The following CIZ1 variants were observed in gnomAD, a reference collection of about 807,000 sequenced individuals.
The protein encoded by CIZ1 is CDKN1A interacting zinc finger protein 1, also known as cip1-interacting zinc finger protein.
CIZ1 carries 58 observed loss-of-function variants against 118.6 expected under a neutral mutation model. The observed-to-expected ratio is 0.49, with a 90% CI of 0.40 to 0.61. CIZ1 has a LOEUF of 0.61. Among genes scored for constraint, CIZ1 ranks in the 20% least tolerant of loss-of-function variants. The pLI, the probability that CIZ1 is intolerant of heterozygous loss-of-function variation, is 0.00. For synonymous variants in CIZ1, 448 were observed against 443.4 expected (o/e 1.01, Z -0.13); for missense variants, 921 against 1,115.9 (o/e 0.83, Z 2.49).
chr9:128,175,338 C>T (rs955427363), intron 11 of CIZ1, among the ~76,000 whole-genome samples: 3 of 152,156 alleles, frequency 2.0e-5, no homozygotes, highest in Non-Finnish European at 2.9e-5. Context: ...TAGCAAAGAA[C>T]GTCTTGGTGA....
chr9:128,181,176 C>A (rs1236382416), intron 5 of CIZ1, among the ~76,000 whole-genome samples: 1 of 151,978 alleles, frequency 6.6e-6, no homozygotes, highest in African/African-American at 2.4e-5. Flanking sequence ...AGTGCAATAG[C>A]ACAATCCCGG....
Position 128,169,622 on chromosome 9 carries a change from C to A in CIZ1, c.2032-103G>T, listed in dbSNP as rs769169316. On this transcript the variant is annotated intron_variant, in intron 12 of 16. Transcript: ENST00000372938. ...AGCTCACCTCCCCCGGGCAGGCCCA[C>A]CATATCTGTAACAAGCCGGGCTGTG... The A allele has an allele frequency of 2.6e-6, 4 of 1,559,558 alleles. No individual in the cohort carries two copies. The highest frequency in any genetic ancestry group is 3.5e-6 in the Non-Finnish European group (4 of 1,154,624).
chr9:128,178,384 C>G lies in CIZ1; in HGVS notation c.1605G>C (p.Ala535=), dbSNP rs550697095. 1 of 1,613,812 alleles carries G rather than the reference C, an allele frequency of 6.2e-7. No homozygotes were observed. Among genetic ancestry groups the G allele is most frequent in the Admixed American group, 1.7e-5 (1 of 59,896 alleles). Residue 535 remains alanine, a synonymous_variant, in exon 9 of 17, where the codon GCG becomes GCC. Transcript: ENST00000372938. ...CTCTACCCACCCCTGGCATCTCTCT[C>G]GCTCTGTTTTCACATTCTCCCACAT... ...GLDVGECENR[A]REMPGVWGAG...
intron 11 of CIZ1, 105 bp downstream of exon 11, chr9:128,176,246 G>T: frequency 7.1e-7 from 1 of 1,411,750 alleles, no homozygotes; most frequent in Non-Finnish European, 9.7e-7. Context: ...CTGGCTGGGG[G>T]TGCAGTGCTT....
chr9:128,203,573 G>T lies in CIZ1; in HGVS notation c.-6+613C>A, dbSNP rs1404767209. On this transcript the variant is annotated intron_variant, in intron 1 of 17. Transcript: ENST00000372948. The surrounding 1 kb of genome is among the most constrained non-coding windows in gnomAD (Gnocchi z 5.3). ...CGCGGACCTCGACCTGCCGCAGATC[G>T]CTGTGGTGGGCGGCCAGAGCGCCGG... 1.9e-6 allele frequency: 3 copies of T among 1,550,318 alleles called. No individual in the cohort carries two copies. Among genetic ancestry groups the T allele is most frequent in the Admixed American group, 3.8e-5 (2 of 52,382 alleles).
chr9:128,190,986 A>T, intron 1 of CIZ1, 124 bp from the exon 2 acceptor site: 1 of 1,339,756 alleles, frequency 7.5e-7, no homozygotes, highest in Non-Finnish European at 9.9e-7. Flanking sequence ...TCACAGCTGC[A>T]TTCCCAGTCC....
intron 5 of CIZ1, among the ~76,000 whole-genome samples, chr9:128,182,000 G>A (rs1390220365): frequency 6.6e-6 from 1 of 152,214 alleles, no homozygotes; most frequent in Non-Finnish European, 1.5e-5. Flanking sequence ...AATACTAATA[G>A]TCCCTGATAT....
At chr9:128,174,078 C>T (rs920944658) in intron 11 of CIZ1, among the ~76,000 whole-genome samples, 7 of 152,090 alleles carry the variant, frequency 4.6e-5, no homozygotes, top group African/African-American at 1.7e-4. Flanking sequence ...GTTCACAGCA[C>T]CTGCCCTGGG....
intron 1 of CIZ1, among the ~76,000 whole-genome samples, chr9:128,200,354 G>C (rs7036650): frequency 6.6e-6 from 1 of 151,714 alleles, no homozygotes; most frequent in Non-Finnish European, 1.5e-5. Context: ...AATTAGGGGG[G>C]AAAAAGTAAA....
chr9:128,168,162 G>A (rs1829669795), intron 14 of CIZ1, among the ~76,000 whole-genome samples: 1 of 152,208 alleles, frequency 6.6e-6, no homozygotes. Flanking sequence ...GGCCCTCATG[G>A]GTCCCTGCTT....
chr9:128,169,371 T>C, intron 13 of CIZ1, 35 bp downstream of exon 13: 3 of 1,570,118 alleles, frequency 1.9e-6, no homozygotes, highest in Non-Finnish European at 2.6e-6. Context: ...TCTGTACCTC[T>C]CTGGGCCCAT....
At position 128,187,249 on chromosome 9, in the gene CIZ1, G is replaced by T. The variant is rs75246500; in HGVS notation, c.358+614C>A. The stretch of plus-strand genomic sequence containing the variant: ...AGCCACCACATCCAGCTCCTTATCT[G>T]CTTTCTGCTTCACATCATCTAACTC... On this transcript the variant is annotated intron_variant, in intron 4 of 16. Coordinates refer to ENST00000372938, the MANE Select transcript of CIZ1 (RefSeq NM_001131016.2). Among the ~76,000 whole-genome samples the T allele has an allele frequency of 4.3e-3, 661 of 152,280 alleles. 5 individuals are homozygous for T. The highest frequency in any genetic ancestry group is 0.017 in the Middle Eastern group (5 of 294).
intron 1 of CIZ1, chr9:128,197,775 A>G (rs1833411441): frequency 6.6e-6 from 1 of 152,230 alleles, no homozygotes; most frequent in Non-Finnish European, 1.5e-5. Flanking sequence ...TGATGGTTAT[A>G]ATGACACTAT....
chr9:128,195,352 C>G (rs1303625507), upstream of CIZ1, among the ~76,000 whole-genome samples: 1 of 152,170 alleles, frequency 6.6e-6, no homozygotes, highest in African/African-American at 2.4e-5. Context: ...GAATTTTGTT[C>G]TGTCATCCAC....
chr9:128,190,689 G>T lies in CIZ1; in HGVS notation c.169C>A (p.Arg57=). The T allele has an allele frequency of 4.5e-6, 7 of 1,552,438 alleles. No homozygotes were observed. Among genetic ancestry groups the T allele is most frequent in the Non-Finnish European group, 5.2e-6 (6 of 1,149,764 alleles). ...PQAPLPMAVS[R]GLPPQQPQQP... ...ATCGCGCCCGAGAGGGGAACTCACCGGCTGACAGCCATGGGCAACGGGGCC... is the reference window on the plus strand; with the variant it reads ...ATCGCGCCCGAGAGGGGAACTCACCTGCTGACAGCCATGGGCAACGGGGCC... Residue 57 remains arginine (R), a splice_region_variant and synonymous_variant, in exon 2 of 17, where the codon CGG becomes AGG. Coordinates refer to ENST00000372938, the MANE Select transcript of CIZ1 (RefSeq NM_001131016.2).
At chr9:128,188,006 AC>A in intron 3 of CIZ1, 72 bp from the exon 4 acceptor site, 1 of 581,302 alleles carries the variant, frequency 1.7e-6, no homozygotes. Context: ...CAGTGAGAAA[AC>A]AATCTCAAAC....
rs754585347 is a variant in CIZ1 at position 128,179,198 on chromosome 9, C to T, written c.1009G>A (p.Val337Met). The T allele has an allele frequency of 2.5e-6, 4 of 1,613,784 alleles. No individual in the cohort carries two copies. Among genetic ancestry groups the T allele is most frequent in the South Asian group, 2.2e-5 (2 of 91,074 alleles). ...GCCTGCTTCTGCAGCTTTGGCTGCA[C>T]CTGGGTGTCTGTGGATGGTATCCGC... ...QPRIPSTDTQ[V>M]QPKLQKQAQT... The change falls in exon 8 of 17, where the codon GTG becomes ATG. Residue 337 changes from valine to methionine, a missense_variant. Physicochemically the swap from Val to Met is conservative, Grantham distance 21. Transcript: ENST00000372938.
intron 10 of CIZ1, 133 bp from the exon 11 acceptor site, chr9:128,176,608 G>A: frequency 1.1e-6 from 1 of 921,210 alleles, no homozygotes; most frequent in Non-Finnish European, 1.6e-6. Flanking sequence ...TCTCTCTTGT[G>A]TAGGCTAGAG....
intron 1 of CIZ1, among the ~76,000 whole-genome samples, chr9:128,198,781 G>T (rs887601002): frequency 1.3e-5 from 2 of 151,768 alleles, no homozygotes; most frequent in Non-Finnish European, 2.9e-5. Context: ...GCAGTGAGCT[G>T]AGATCGTGCC....
Sources: gnomAD v4.1 joint callset for allele counts (sites outside exome capture counted in the v4.1 genomes callset) on GRCh38, gnomAD v4.1.1 for gene constraint, Gnocchi (gnomAD v3.1) non-coding constraint, MANE v1.5 for transcripts, NCBI Gene and HGNC (gene_info 2026-07-23, HGNC 2026-07-21) for gene names.